CDK6: variants seen among roughly 807,000 people sequenced by gnomAD.
CDK6 encodes cyclin dependent kinase 6, also known as cyclin-dependent kinase 6.
A neutral mutation model predicts 37.1 loss-of-function variants in CDK6; 6 were observed. The ratio of observed to expected loss-of-function variants is 0.16; its 90% confidence interval spans 0.09 to 0.32. The LOEUF (loss-of-function observed/expected upper bound fraction) is 0.32, where lower values mean the gene tolerates loss of function less well. Ranked by LOEUF, CDK6 falls within the 10% of genes least tolerant of loss-of-function variation. CDK6 has a pLI of 1.00. For synonymous variants in CDK6, 160 were observed against 161.3 expected (o/e 0.99, Z 0.06); for missense variants, 224 against 418.9 (o/e 0.53, Z 4.06).
intron 2 of CDK6, among the ~76,000 whole-genome samples, chr7:92,807,660 C>T (rs764912176): frequency 1.3e-5 from 2 of 151,946 alleles, no homozygotes; most frequent in Non-Finnish European, 2.9e-5. Flanking sequence ...AGTACTATCT[C>T]AACCTTTCCC....
At chr7:92,738,498 G>T (rs1798840553) in intron 3 of CDK6, among the ~76,000 whole-genome samples, 1 of 152,042 alleles carries the variant, frequency 6.6e-6, no homozygotes, top group African/African-American at 2.4e-5. Flanking sequence ...AATTAGCTGG[G>T]CATGGTGGTG....
At chr7:92,723,191 C>CA (rs1176375767) in intron 4 of CDK6, among the ~76,000 whole-genome samples, 4 of 151,888 alleles carry the variant, frequency 2.6e-5, no homozygotes, top group Admixed American at 6.6e-5. Context: ...CAAAAACAAA[C>CA]AAAAAAACCC....
rs768615372 is a variant in CDK6 at position 92,609,465 on chromosome 7, AC to A, written c.*5674del. 1 of 229,144 alleles carries A rather than the reference AC, an allele frequency of 4.4e-6. No homozygotes were observed. The highest frequency in any genetic ancestry group is 8.6e-6 in the Non-Finnish European group (1 of 115,780). The allele number at this position is 229,144 out of a possible 1,614,324, so 14.2% of individuals were successfully genotyped here. Reference sequence around the variant, plus strand: ...TTTAATTAGAGCTTCTTATGAATTTACATTTGTGATTCCACAAATGTTAAAA... The same window carrying A: ...TTTAATTAGAGCTTCTTATGAATTTAATTTGTGATTCCACAAATGTTAAAA... On this transcript the variant is annotated 3_prime_UTR_variant, in exon 8 of 8. Transcript: ENST00000424848.
At chr7:92,685,284 G>C (rs1024532621) in intron 4 of CDK6, among the ~76,000 whole-genome samples, 14 of 152,148 alleles carry the variant, frequency 9.2e-5, no homozygotes, top group Non-Finnish European at 4.4e-5. Flanking sequence ...TATATCCGCT[G>C]TCAGGAGAGA....
chr7:92,733,003 A>T (rs1469995067), intron 3 of CDK6, among the ~76,000 whole-genome samples: 1 of 152,240 alleles, frequency 6.6e-6, no homozygotes, highest in Non-Finnish European at 1.5e-5. Flanking sequence ...TAATGCCCTT[A>T]TCTGGATCCA....
At chr7:92,701,476 A>T (rs952736553) in intron 4 of CDK6, among the ~76,000 whole-genome samples, 2 of 148,886 alleles carry the variant, frequency 1.3e-5, no homozygotes, top group African/African-American at 5.0e-5. Context: ...TGCGATCTCC[A>T]CTCACTGCAA....
intron 2 of CDK6, among the ~76,000 whole-genome samples, chr7:92,795,633 A>C (rs1409461136): frequency 1.3e-5 from 2 of 152,152 alleles, no homozygotes; most frequent in Non-Finnish European, 2.9e-5. Flanking sequence ...CATCATTAAA[A>C]CAATAGAAGA....
rs117856332 is a variant in CDK6 at position 92,644,555 on chromosome 7, C to T, written c.648-21469G>A. 9.2e-5 allele frequency among the ~76,000 whole-genome samples: 14 copies of T among 152,260 alleles called. No homozygotes were observed. The East Asian group carries it at 2.7e-3, about 29-fold the overall frequency. On this transcript the variant is annotated intron_variant, in intron 5 of 7. Coordinates refer to ENST00000424848, the MANE Select transcript of CDK6 (RefSeq NM_001145306.2). ...AATTAACCCTAGTGACTAACCTAGT[C>T]TCATAGGAAGAAGGCTTGTGAAATC...
In CDK6 at chr7:92,757,010, T is replaced by A. The variant is rs143661162; in HGVS notation, c.369+17686A>T. 3.3e-3 allele frequency among the ~76,000 whole-genome samples: 503 copies of A among 152,264 alleles called. 2 individuals are homozygous for A. The highest frequency in any genetic ancestry group is 0.012 in the African/African-American group (482 of 41,550). ...GAAAAAAACACAAAGGAAGAAGTCATGGAATTGGAAATGCTAATCTCTTAA... is the reference window on the plus strand; with the variant it reads ...GAAAAAAACACAAAGGAAGAAGTCAAGGAATTGGAAATGCTAATCTCTTAA... On this transcript the variant is annotated intron_variant, in intron 3 of 7. Transcript: ENST00000424848.
intron 3 of CDK6, among the ~76,000 whole-genome samples, chr7:92,751,956 C>A (rs944805600): frequency 2.6e-5 from 4 of 152,106 alleles, no homozygotes; most frequent in Admixed American, 1.3e-4. Flanking sequence ...TAGGAGTTAA[C>A]TCATTAAAGA....
intron 6 of CDK6, among the ~76,000 whole-genome samples, chr7:92,619,886 G>T (rs1353987184): frequency 2.0e-5 from 3 of 151,848 alleles, no homozygotes. Context: ...GAAGTAAAAA[G>T]AAAAAAACCA....
intron 2 of CDK6, among the ~76,000 whole-genome samples, chr7:92,810,322 G>A (rs534765710): frequency 6.6e-6 from 1 of 152,294 alleles, no homozygotes; most frequent in East Asian, 1.9e-4. Flanking sequence ...ACCTTTGCAT[G>A]ACTGAAACAC....
chr7:92,675,279 G>C (rs1342212248), intron 4 of CDK6, among the ~76,000 whole-genome samples: 1 of 152,168 alleles, frequency 6.6e-6, no homozygotes, highest in Non-Finnish European at 1.5e-5. Context: ...TGATATGTTA[G>C]GGAAATTCCC....
At chr7:92,719,566 A>G (rs997200040) in intron 4 of CDK6, among the ~76,000 whole-genome samples, 1 of 152,212 alleles carries the variant, frequency 6.6e-6, no homozygotes, top group African/African-American at 2.4e-5. Context: ...TCACTTAGTG[A>G]GAATTTTATT....
At chr7:92,644,898 G>A (rs1562922600) in intron 5 of CDK6, among the ~76,000 whole-genome samples, 1 of 152,224 alleles carries the variant, frequency 6.6e-6, no homozygotes, top group Non-Finnish European at 1.5e-5. Context: ...AGGCCACAGG[G>A]TCAGATATGG....
At chr7:92,762,623 A>G (rs1347777368) in intron 3 of CDK6, among the ~76,000 whole-genome samples, 1 of 150,048 alleles carries the variant, frequency 6.7e-6, no homozygotes, top group Non-Finnish European at 1.5e-5. Flanking sequence ...GCTGTAGCGC[A>G]GTGGCACAAT....
chr7:92,774,569 A>G lies in CDK6; in HGVS notation c.369+127T>C, dbSNP rs1404067510. The G allele has an allele frequency of 3.0e-5, 24 of 796,986 alleles. 1 individual carries two copies. In the East Asian group the frequency reaches 6.7e-4, roughly 22 times the overall value. 49.4% of individuals were successfully genotyped at this position (796,986 alleles called of 1,614,324 possible). On this transcript the variant is annotated intron_variant, in intron 3 of 7. Coordinates refer to ENST00000424848, the MANE Select transcript of CDK6 (RefSeq NM_001145306.2). ...TCCCAATCTTTGAACATTTTCTTTGATTTTTTTAACTATATACCGAATTCT... is the reference window on the plus strand; with the variant it reads ...TCCCAATCTTTGAACATTTTCTTTGGTTTTTTTAACTATATACCGAATTCT...
intron 3 of CDK6, among the ~76,000 whole-genome samples, chr7:92,741,979 C>T (rs1798935587): frequency 6.6e-6 from 1 of 152,070 alleles, no homozygotes; most frequent in African/African-American, 2.4e-5. Context: ...AAGTTTTATG[C>T]TTTTAATATT....
At chr7:92,748,372 C>T (rs982157853) in intron 3 of CDK6, among the ~76,000 whole-genome samples, 4 of 152,186 alleles carry the variant, frequency 2.6e-5, no homozygotes, top group African/African-American at 9.7e-5. Context: ...CAAAATCTAG[C>T]TGACATCACT....
Sources: allele counts gnomAD v4.1 joint callset (sites outside exome capture counted in the v4.1 genomes callset), GRCh38; gene constraint gnomAD v4.1.1; transcripts MANE v1.5; gene names NCBI Gene and HGNC (gene_info 2026-07-23, HGNC 2026-07-21).